Variants in RGPD8 observed in about 807,000 individuals in gnomAD.
RGPD8 encodes RANBP2-like and GRIP domain-containing protein 8.
RGPD8 carries 15 observed loss-of-function variants against 89.1 expected under a neutral mutation model. The observed-to-expected ratio is 0.17, with a 90% CI of 0.11 to 0.26. RGPD8 has a LOEUF of 0.26. Ranked by LOEUF, RGPD8 falls within the 10% of genes least tolerant of loss-of-function variation. The pLI, the probability that RGPD8 is intolerant of heterozygous loss-of-function variation, is 1.00. For missense variants in RGPD8, 178 were observed against 1,179.6 expected (o/e 0.15, Z 12.44); for synonymous variants, 62 against 420.9 (o/e 0.15, Z 10.44).
rs559399270 is a variant in RGPD8 at position 112,430,729 on chromosome 2, G to A, written c.72+2653C>T. On this transcript the variant is annotated intron_variant, in intron 1 of 22. Transcript: ENST00000302558. ...CTGTAATCTCAGCACTTGGGGCCAAGGCGGGAGGATCACTTGAGCCCAGGA... is the reference window on the plus strand; with the variant it reads ...CTGTAATCTCAGCACTTGGGGCCAAAGCGGGAGGATCACTTGAGCCCAGGA... Among the ~76,000 whole-genome samples, 7 of 152,024 alleles carry A rather than the reference G, an allele frequency of 4.6e-5. No homozygotes were observed. The South Asian group carries it at 1.2e-3, about 27-fold the overall frequency.
rs555389226 is a variant in RGPD8 at position 112,415,111 on chromosome 2, C to T, written c.782+2082G>A. Among the ~76,000 whole-genome samples the T allele has an allele frequency of 6.8e-5, 10 of 147,052 alleles. 2 individuals carry two copies. The highest frequency in any genetic ancestry group is 2.1e-4 in the South Asian group (1 of 4,696). On this transcript the variant is annotated intron_variant, in intron 6 of 22. Coordinates refer to ENST00000302558, the MANE Select transcript of RGPD8 (RefSeq NM_001164463.1). ...AAACTAGCCAGGTGTGGGCTGGGCG[C>T]GGTGGCTCACCCCTGTAATCCCAAC...
At chr2:112,429,025 C>A (rs1679899486) in intron 1 of RGPD8, among the ~76,000 whole-genome samples, 1 of 151,772 alleles carries the variant, frequency 6.6e-6, no homozygotes, top group African/African-American at 2.4e-5. Flanking sequence ...TAAATGTTAA[C>A]TATTCATTTA....
intron 1 of RGPD8, among the ~76,000 whole-genome samples, chr2:112,430,056 C>T (rs936993729): frequency 6.6e-6 from 1 of 151,908 alleles, no homozygotes; most frequent in African/African-American, 2.4e-5. Flanking sequence ...GGATTACAGA[C>T]GAAGAATATT....
chr2:112,411,293 C>A, intron 7 of RGPD8, among the ~76,000 whole-genome samples: 1 of 145,034 alleles, frequency 6.9e-6, no homozygotes, highest in Non-Finnish European at 1.5e-5. Context: ...AAAGGCCAGG[C>A]ATGGTGGCTC....
chr2:112,402,533 G>GAAAAGAAAAGAAAAGAAAAGAAAAA, intron 9 of RGPD8, among the ~76,000 whole-genome samples: 1 of 150,872 alleles, frequency 6.6e-6, no homozygotes. Flanking sequence ...GAAAAGAAAA[G>GAAAAGAAAAGAAAAGAAAAGAAAAA]GTTATGCGCT....
Position 112,424,796 on chromosome 2 carries a change from C to A in RGPD8, c.73-489G>T, listed in dbSNP as rs566808039. 3.3e-5 allele frequency among the ~76,000 whole-genome samples: 5 copies of A among 151,228 alleles called. No individual in the cohort carries two copies. The South Asian group carries it at 6.2e-4, about 19-fold the overall frequency. ...AATAAGCTGGGTGCAGTTGGTCACA[C>A]CTTTAATTCTATTTAATTCTAGCAC... On this transcript the variant is annotated intron_variant, in intron 1 of 22. Coordinates refer to ENST00000302558, the MANE Select transcript of RGPD8 (RefSeq NM_001164463.1).
chr2:112,370,216 T>C lies in RGPD8; in HGVS notation c.5264-4A>G, dbSNP rs1471070497. The stretch of plus-strand genomic sequence containing the variant: ...CGGGAAGGATTTTCTTCCTCATCTT[T>C]AGAAAGTAAAACAAAGAAAAAAAAA... On this transcript the variant is annotated splice_polypyrimidine_tract_variant and splice_region_variant and intron_variant, in intron 22 of 22. Coordinates refer to ENST00000302558, the MANE Select transcript of RGPD8 (RefSeq NM_001164463.1). 6.5e-7 allele frequency: 1 copy of C among 1,529,810 alleles called. No individual in the cohort carries two copies. The highest frequency in any genetic ancestry group is 8.9e-7 in the Non-Finnish European group (1 of 1,128,038). 94.8% of individuals were successfully genotyped at this position (1,529,810 alleles called of 1,614,324 possible). A position where few individuals can be genotyped will look rare whatever the true frequency, so the allele number is the denominator to read the frequency against.
intron 21 of RGPD8, 140 bp downstream of exon 21, chr2:112,380,684 C>T (rs549290195): frequency 8.5e-5 from 45 of 530,402 alleles, no homozygotes; most frequent in Non-Finnish European, 1.3e-4. Context: ...CAATATTTCT[C>T]ACCATCAGGA....
At chr2:112,373,327 A>G (rs1212937027) in intron 22 of RGPD8, among the ~76,000 whole-genome samples, 3 of 152,296 alleles carry the variant, frequency 2.0e-5, no homozygotes, top group Non-Finnish European at 2.9e-5. Context: ...GAGTTGTAAC[A>G]CGCTACTCTG....
intron 2 of RGPD8, among the ~76,000 whole-genome samples, chr2:112,423,610 G>A (rs1574021243): frequency 7.1e-6 from 1 of 140,554 alleles, no homozygotes; most frequent in East Asian, 2.1e-4. Flanking sequence ...GCGCTGAGGT[G>A]GGAAGATCGC....
chr2:112,410,657 A>T (rs1306363412), intron 7 of RGPD8, among the ~76,000 whole-genome samples: 1 of 151,218 alleles, frequency 6.6e-6, no homozygotes, highest in African/African-American at 2.5e-5. Context: ...GTGTGCCTGT[A>T]ATCCCAGATA....
At chr2:112,419,603 A>G (rs1176472504) in intron 4 of RGPD8, among the ~76,000 whole-genome samples, 2 of 152,286 alleles carry the variant, frequency 1.3e-5, no homozygotes, top group Non-Finnish European at 2.9e-5. Flanking sequence ...CAAAAAAAAA[A>G]AATCTGATAC....
intron 6 of RGPD8, among the ~76,000 whole-genome samples, chr2:112,416,088 C>CAAAAAAAAAAAAAAAAAAAA (rs1168507298): frequency 1.8e-4 from 16 of 88,898 alleles, no homozygotes; most frequent in South Asian, 4.5e-4. Context: ...GACTCCATCT[C>CAAAAAAAAAAAAAAAAAAAA]AAAAAAAAAA....
At chr2:112,408,809 C>T (rs1318745495) in intron 7 of RGPD8, among the ~76,000 whole-genome samples, 4 of 151,800 alleles carry the variant, frequency 2.6e-5, no homozygotes, top group African/African-American at 9.7e-5. Context: ...GTAGCTGGGA[C>T]TACAGGCACC....
In RGPD8 at chr2:112,374,634, C is replaced by T. The variant is rs1364024716; in HGVS notation, c.5263+3419G>A. 1.7e-5 allele frequency among the ~76,000 whole-genome samples: 2 copies of T among 120,830 alleles called. 1 individual carries two copies. Among genetic ancestry groups the T allele is most frequent in the Non-Finnish European group, 3.6e-5 (2 of 55,484 alleles). The allele number at this position is 120,830 out of a possible 152,430, so 79.3% of individuals were successfully genotyped here. The stretch of plus-strand genomic sequence containing the variant: ...ATTTCTTCTTTTTTTTTTAATACTG[C>T]TTGAGATTTTACTGGGTTTTTGAAT... On this transcript the variant is annotated intron_variant, in intron 22 of 22. Transcript: ENST00000302558.
chr2:112,423,605 G>A (rs991777443), intron 2 of RGPD8, among the ~76,000 whole-genome samples: 9 of 139,354 alleles, frequency 6.5e-5, no homozygotes, highest in African/African-American at 2.4e-4. Context: ...TTGGGGCGCT[G>A]AGGTGGGAAG....
chr2:112,431,590 A>C (rs1294312158), intron 1 of RGPD8, among the ~76,000 whole-genome samples: 2 of 152,078 alleles, frequency 1.3e-5, no homozygotes, highest in Non-Finnish European at 2.9e-5. Context: ...TAGTTATGAT[A>C]AGAGACACAA....
intron 6 of RGPD8, among the ~76,000 whole-genome samples, chr2:112,413,541 A>T (rs1679267368): frequency 8.4e-6 from 1 of 118,962 alleles, no homozygotes; most frequent in South Asian, 2.7e-4. Context: ...GCATGATTTT[A>T]AAGTGGCTTA....
intron 22 of RGPD8, among the ~76,000 whole-genome samples, chr2:112,374,749 G>C (rs1396374880): frequency 7.3e-6 from 1 of 136,134 alleles, no homozygotes; most frequent in African/African-American, 2.6e-5. Context: ...TCTCCTTTTA[G>C]AACTTCGATT....
Sources: allele counts gnomAD v4.1 joint callset (sites outside exome capture counted in the v4.1 genomes callset), GRCh38; gene constraint gnomAD v4.1.1; transcripts MANE v1.5; gene names NCBI Gene and HGNC (gene_info 2026-07-23, HGNC 2026-07-21).